STX16: variants seen among roughly 807,000 people sequenced by gnomAD.
STX16 encodes syntaxin-16.
Under a neutral mutation model 42.7 loss-of-function variants are expected in STX16, and 28 were observed. The observed-to-expected ratio is 0.66, with a 90% CI of 0.49 to 0.90. STX16 has a LOEUF of 0.90. Ranked by LOEUF, STX16 falls within the 40% of genes least tolerant of loss-of-function variation. STX16 has a pLI of 0.00. For missense variants in STX16, 361 were observed against 420.9 expected, an observed-to-expected ratio of 0.86 and a Z score of 1.24; for synonymous variants, 156 against 155.2, an observed-to-expected ratio of 1.00 and a Z score of -0.04.
chr20:58,669,813 G>A (rs914721987), intron 5 of STX16, among the ~76,000 whole-genome samples: 1 of 152,192 alleles, frequency 6.6e-6, no homozygotes, highest in Non-Finnish European at 1.5e-5. Flanking sequence ...TAGGTAAAAA[G>A]CAGTTGTTAT....
chr20:58,668,313 G>A (rs1300866038), intron 4 of STX16, among the ~76,000 whole-genome samples, 186 bp downstream of exon 4: 2 of 152,174 alleles, frequency 1.3e-5, no homozygotes, highest in African/African-American at 2.4e-5. Context: ...TGGAGGTATG[G>A]GGACTGTTTT....
At chr20:58,661,215 A>G (rs531773637) in intron 2 of STX16, among the ~76,000 whole-genome samples, 10 of 152,378 alleles carry the variant, frequency 6.6e-5, no homozygotes, top group African/African-American at 2.2e-4. Context: ...CTTAGGTTGA[A>G]GAACCATTTG....
At chr20:58,666,545 C>T (rs1236067302) in intron 2 of STX16, among the ~76,000 whole-genome samples, 1 of 151,396 alleles carries the variant, frequency 6.6e-6, no homozygotes, top group Non-Finnish European at 1.5e-5. Flanking sequence ...TCTCCTGCCT[C>T]AGCCTCCCGA....
rs534971734 is a variant in STX16 at position 58,655,337 on chromosome 20, AT to A, written c.132+3205del. On this transcript the variant is annotated intron_variant, in intron 1 of 8. Coordinates refer to ENST00000371141, the MANE Select transcript of STX16 (RefSeq NM_001001433.3). Reference sequence around the variant, plus strand: ...TGCCATTCAAAAAATTTAAACATGCATTTTTTGCATCCTAGTTTGAGGGAAA... The same window carrying A: ...TGCCATTCAAAAAATTTAAACATGCATTTTTGCATCCTAGTTTGAGGGAAA... Among the ~76,000 whole-genome samples the A allele has an allele frequency of 5.3e-5, 8 of 152,234 alleles. No homozygotes were observed. In the South Asian group the frequency reaches 1.4e-3, roughly 28 times the overall value.
At chr20:58,656,914 T>TC (rs1309506384) in intron 1 of STX16, among the ~76,000 whole-genome samples, 1 of 152,200 alleles carries the variant, frequency 6.6e-6, no homozygotes, top group African/African-American at 2.4e-5. Flanking sequence ...CTATTGTTTT[T>TC]CTCAGATACA....
rs1410450315 is a variant in STX16 at position 58,651,606 on chromosome 20, C to G, written c.-401C>G. 5.2e-6 allele frequency: 1 copy of G among 191,116 alleles called. No homozygotes were observed. Among genetic ancestry groups the G allele is most frequent in the East Asian group, 1.4e-4 (1 of 7,076 alleles). 11.8% of individuals were successfully genotyped at this position (191,116 alleles called of 1,614,324 possible). ...ACGAGCCAAAGTTAGGGGTAGAGAG[C>G]AGAGACCTCCGGGGGGTCTCAGGGA... is the stretch of plus-strand genomic sequence containing the variant. On this transcript the variant is annotated 5_prime_UTR_variant, in exon 1 of 9. Coordinates refer to ENST00000371141, the MANE Select transcript of STX16 (RefSeq NM_001001433.3).
intron 2 of STX16, among the ~76,000 whole-genome samples, chr20:58,666,463 T>A (rs529382731): frequency 6.6e-6 from 1 of 150,376 alleles, no homozygotes; most frequent in African/African-American, 2.5e-5. Context: ...AGTTTCGCTC[T>A]TGTTGCCCTG....
rs370006614 is a variant in STX16, at chr20:58,670,607, C to T, written c.648+4C>T. ...CGATAACACTCTTTACCATCGGGTA[C>T]GTGAACGGGCTGCAAAGCTGATTGC... On this transcript the variant is annotated splice_donor_region_variant and intron_variant, in intron 6 of 8. Transcript: ENST00000371141. 45 of 1,612,590 alleles carry T rather than the reference C, an allele frequency of 2.8e-5. 1 individual carries two copies. In the Middle Eastern group the frequency reaches 2.3e-3, roughly 82 times the overall value.
At chr20:58,667,923 A>T in intron 3 of STX16, 64 bp from the exon 4 acceptor site, 1 of 1,606,260 alleles carries the variant, frequency 6.2e-7, no homozygotes, top group East Asian at 2.2e-5. Context: ...TGCTGAGTGT[A>T]GCTGATGGAG....
At chr20:58,655,881 G>T (rs1057156724) in intron 1 of STX16, among the ~76,000 whole-genome samples, 45 of 152,050 alleles carry the variant, frequency 3.0e-4, no homozygotes, top group African/African-American at 1.0e-3. Flanking sequence ...GTTCTTAGTT[G>T]TATTAAAGTT....
intron 2 of STX16, among the ~76,000 whole-genome samples, chr20:58,665,509 C>G (rs562484947): frequency 1.3e-5 from 2 of 152,024 alleles, no homozygotes; most frequent in Non-Finnish European, 2.9e-5. Flanking sequence ...CTTGGGCAAG[C>G]GACTTAACTT....
chr20:58,667,277 A>G, intron 2 of STX16: 1 of 656,778 alleles, frequency 1.5e-6, no homozygotes, highest in Non-Finnish European at 2.8e-6. Context: ...TAGGAAAACA[A>G]TCCAAATCCT....
At chr20:58,659,517 AGT>A in intron 1 of STX16, 104 bp from the exon 2 acceptor site, 2 of 1,125,324 alleles carry the variant, frequency 1.8e-6, no homozygotes, top group Non-Finnish European at 2.5e-6. Flanking sequence ...TTAAAATCTC[AGT>A]GTTTTCTCAA....
chr20:58,654,729 G>A (rs2083549858), intron 1 of STX16, among the ~76,000 whole-genome samples: 1 of 152,110 alleles, frequency 6.6e-6, no homozygotes, highest in African/African-American at 2.4e-5. Context: ...CTAGGTATTA[G>A]GTGACATTAA....
In STX16 at chr20:58,663,905, C is replaced by T. The variant is rs1354663039; in HGVS notation, c.145-3585C>T. Among the ~76,000 whole-genome samples, 20 of 152,180 alleles carry T rather than the reference C, an allele frequency of 1.3e-4. 1 individual carries two copies. Among genetic ancestry groups the T allele is most frequent in the Admixed American group, 1.2e-3 (19 of 15,286 alleles). On this transcript the variant is annotated intron_variant, in intron 2 of 8. Transcript: ENST00000371141. The stretch of plus-strand genomic sequence containing the variant: ...GCTGGCTAGGCTGGTCTTGAACTCC[C>T]GACCTCAGGCAATCCGCCTGCCTCA...
chr20:58,671,459 T>A (rs1377501671), intron 7 of STX16, among the ~76,000 whole-genome samples, 162 bp downstream of exon 7: 1 of 128,246 alleles, frequency 7.8e-6, no homozygotes, highest in African/African-American at 2.9e-5. Flanking sequence ...TGTGTGTGTG[T>A]GTGTGTGTGT....
intron 2 of STX16, among the ~76,000 whole-genome samples, chr20:58,660,694 G>T (rs1005212135): frequency 2.9e-5 from 4 of 140,054 alleles, no homozygotes; most frequent in African/African-American, 1.0e-4. Flanking sequence ...GAGCAGCATG[G>T]ATAATATGAT....
At chr20:58,674,896 A>G (rs1225609713) in intron 8 of STX16, among the ~76,000 whole-genome samples, 1 of 152,230 alleles carries the variant, frequency 6.6e-6, no homozygotes, top group Non-Finnish European at 1.5e-5. Flanking sequence ...TATAACACAG[A>G]TAAAAGGAAA....
At chr20:58,674,799 C>G (rs965512038) in intron 8 of STX16, among the ~76,000 whole-genome samples, 1 of 152,176 alleles carries the variant, frequency 6.6e-6, no homozygotes. Context: ...GTTTCTCACT[C>G]TGTAATACCC....
Sources: gnomAD v4.1 joint callset for allele counts (sites outside exome capture counted in the v4.1 genomes callset) on GRCh38, gnomAD v4.1.1 for gene constraint, MANE v1.5 for transcripts, NCBI Gene and HGNC (gene_info 2026-07-23, HGNC 2026-07-21) for gene names.